ARSJ: variants seen among roughly 807,000 people sequenced by gnomAD.
ARSJ encodes arylsulfatase J.
ARSJ carries 26 observed loss-of-function variants against 35.9 expected under a neutral mutation model. That is an observed-to-expected ratio of 0.72 (90% CI 0.53 to 1.00). ARSJ has a LOEUF of 1.00. Among genes scored for constraint, ARSJ ranks in the 50% least tolerant of loss-of-function variants. ARSJ has a pLI of 0.00. For synonymous variants in ARSJ, 294 were observed against 267.6 expected (o/e 1.10, Z -0.96); for missense variants, 667 against 723.6 (o/e 0.92, Z 0.90).
chr4:113,927,768 A>G (rs1480824754), intron 1 of ARSJ, among the ~76,000 whole-genome samples: 1 of 152,062 alleles, frequency 6.6e-6, no homozygotes, highest in African/African-American at 2.4e-5. Context: ...GCACAGGCCA[A>G]ATGGAAGAGT....
chr4:113,902,431 C>T lies in ARSJ; in HGVS notation c.1643G>A (p.Gly548Glu). ...TTTATACCATGGTCCCCAGACCCCT[C>T]CATTGAGCCTAGGGTTACTTCTGGG... ...KDPRSNPRLNGGVWGPWYKEE... is the reference protein window; with the variant it reads ...KDPRSNPRLNEGVWGPWYKEE... The change falls in exon 2 of 2, where the codon GGA (glycine) becomes GAA (glutamate). Residue 548 changes from glycine (G) to glutamate (E), a missense_variant. By Grantham distance (98) the Gly-to-Glu change is moderately conservative. Transcript: ENST00000315366. The T allele has an allele frequency of 1.2e-6, 2 of 1,614,010 alleles. No individual in the cohort carries two copies.
chr4:113,908,003 G>C, intron 1 of ARSJ, among the ~76,000 whole-genome samples: 1 of 152,040 alleles, frequency 6.6e-6, no homozygotes, highest in African/African-American at 2.4e-5. Flanking sequence ...CTCACTACCT[G>C]GGTGACGATA....
At chr4:113,930,129 G>A (rs1724337726) in intron 1 of ARSJ, among the ~76,000 whole-genome samples, 1 of 152,036 alleles carries the variant, frequency 6.6e-6, no homozygotes, top group African/African-American at 2.4e-5. Flanking sequence ...ACCCAAATCT[G>A]TATTAGTCAA....
At chr4:113,964,728 T>C (rs1284890889) in intron 1 of ARSJ, among the ~76,000 whole-genome samples, 1 of 152,066 alleles carries the variant, frequency 6.6e-6, no homozygotes, top group Non-Finnish European at 1.5e-5. Context: ...GCAGTGTTAT[T>C]CAGTATGGTT....
chr4:113,915,949 A>G (rs1000458380), intron 1 of ARSJ, among the ~76,000 whole-genome samples: 4 of 152,222 alleles, frequency 2.6e-5, no homozygotes, highest in Non-Finnish European at 4.4e-5. Context: ...TTCACTGCTT[A>G]TAGACTGGAA....
intron 1 of ARSJ, among the ~76,000 whole-genome samples, chr4:113,924,239 A>T (rs947352190): frequency 2.6e-5 from 4 of 151,372 alleles, no homozygotes; most frequent in Non-Finnish European, 5.9e-5. Context: ...TTGGAGTCCA[A>T]CGTTCGAGGG....
chr4:113,904,227 G>C (rs1218756616), intron 1 of ARSJ, among the ~76,000 whole-genome samples: 2 of 152,110 alleles, frequency 1.3e-5, no homozygotes, highest in African/African-American at 2.4e-5. Context: ...ACTGTGCCCA[G>C]CCTCAAAGTC....
chr4:113,902,834 G>A lies in ARSJ; in HGVS notation c.1240C>T (p.Pro414Ser). The part of the protein sequence containing the change: ...WETISEGLRS[P>S]RVDILHNIDP... ...ATGTTATGCAAAATATCTACTCGGG[G>A]TGAGCGAAGACCCTCACTTATGGTC... The change falls in exon 2 of 2, where the codon CCC becomes TCC. Residue 414 changes from proline (P) to serine (S), a missense_variant. Coordinates refer to ENST00000315366, the MANE Select transcript of ARSJ (RefSeq NM_024590.4). 2.5e-6 allele frequency: 4 copies of A among 1,614,122 alleles called. No individual in the cohort carries two copies. Among genetic ancestry groups the A allele is most frequent in the Non-Finnish European group, 2.5e-6 (3 of 1,180,026 alleles).
intron 1 of ARSJ, among the ~76,000 whole-genome samples, chr4:113,955,004 CTT>C (rs771948398): frequency 2.0e-4 from 28 of 138,152 alleles, no homozygotes; most frequent in South Asian, 4.6e-4. Flanking sequence ...TTTTTCTTTT[CTT>C]TTTTTTTTTT....
Position 113,978,931 on chromosome 4 carries a change from C to A in ARSJ, c.-97G>T, listed in dbSNP as rs1727767425. 6 of 1,326,056 alleles carry A rather than the reference C, an allele frequency of 4.5e-6. No individual in the cohort carries two copies. Among genetic ancestry groups the A allele is most frequent in the Non-Finnish European group, 6.2e-6 (6 of 973,768 alleles). 82.1% of individuals were successfully genotyped at this position (1,326,056 alleles called of 1,614,324 possible). A position where few individuals can be genotyped will look rare whatever the true frequency, so the allele number is the denominator to read the frequency against. On this transcript the variant is annotated 5_prime_UTR_variant, in exon 1 of 2. Transcript: ENST00000315366. The stretch of plus-strand genomic sequence containing the variant: ...CCCAACAGACGGTGAAGACTCTCCA[C>A]CTGGCAAGAAATCCTCCTCTCCTCT...
intron 1 of ARSJ, among the ~76,000 whole-genome samples, chr4:113,937,799 A>C (rs779921914): frequency 6.6e-6 from 1 of 152,102 alleles, no homozygotes; most frequent in Non-Finnish European, 1.5e-5. Flanking sequence ...ATTGCTAAAA[A>C]GGGAATAAAA....
Position 113,947,683 on chromosome 4 carries a change from G to A in ARSJ, c.398+30754C>T, listed in dbSNP as rs1725586925. 2.0e-5 allele frequency among the ~76,000 whole-genome samples: 3 copies of A among 152,098 alleles called. No homozygotes were observed. The South Asian group carries it at 6.2e-4, about 32-fold the overall frequency. On this transcript the variant is annotated intron_variant, in intron 1 of 1. Coordinates refer to ENST00000315366, the MANE Select transcript of ARSJ (RefSeq NM_024590.4). Reference sequence around the variant, plus strand: ...AAATAACTTTTATCTTCATTGGGTAGAGAATAATCTACCTGAGCAACTAAA... The same window carrying A: ...AAATAACTTTTATCTTCATTGGGTAAAGAATAATCTACCTGAGCAACTAAA...
chr4:113,947,966 A>G (rs1362204139), intron 1 of ARSJ, among the ~76,000 whole-genome samples: 1 of 151,976 alleles, frequency 6.6e-6, no homozygotes, highest in Non-Finnish European at 1.5e-5. Context: ...AGGTGGGTGG[A>G]TCACTTGAGG....
chr4:113,932,281 AC>A (rs1724502860), intron 1 of ARSJ, among the ~76,000 whole-genome samples: 1 of 151,962 alleles, frequency 6.6e-6, no homozygotes, highest in Non-Finnish European at 1.5e-5. Flanking sequence ...GAACTTCAAC[AC>A]CCCACTCTCA....
intron 1 of ARSJ, among the ~76,000 whole-genome samples, chr4:113,950,581 AGG>A (rs1027281605): frequency 1.3e-5 from 2 of 152,060 alleles, no homozygotes; most frequent in Non-Finnish European, 2.9e-5. Context: ...GATGAGGGAA[AGG>A]GAAGAAAGAG....
chr4:113,922,607 A>G (rs975590709), intron 1 of ARSJ, among the ~76,000 whole-genome samples: 1 of 152,152 alleles, frequency 6.6e-6, no homozygotes, highest in Non-Finnish European at 1.5e-5. Context: ...GCTTTTACTT[A>G]TACATTACAG....
chr4:113,940,788 A>C (rs532895461), intron 1 of ARSJ, among the ~76,000 whole-genome samples: 7 of 152,158 alleles, frequency 4.6e-5, no homozygotes, highest in Middle Eastern at 3.4e-3. Context: ...CATGGATTAA[A>C]ATTTTAAAAT....
chr4:113,917,045 C>A (rs1478766337), intron 1 of ARSJ, among the ~76,000 whole-genome samples: 2 of 152,122 alleles, frequency 1.3e-5, no homozygotes, highest in African/African-American at 4.8e-5. Flanking sequence ...TTACTCATAT[C>A]ATAACAGGTA....
intron 1 of ARSJ, 48 bp downstream of exon 1, chr4:113,978,389 T>A (rs1460131162): frequency 6.7e-7 from 1 of 1,487,460 alleles, no homozygotes; most frequent in African/African-American, 1.4e-5. Flanking sequence ...CTTCATTAAA[T>A]GCTTAAGATT....
Sources: allele counts gnomAD v4.1 joint callset (sites outside exome capture counted in the v4.1 genomes callset), GRCh38; gene constraint gnomAD v4.1.1; transcripts MANE v1.5; gene names NCBI Gene and HGNC (gene_info 2026-07-23, HGNC 2026-07-21).